KCNQ1: variants seen among roughly 807,000 people sequenced by gnomAD.
KCNQ1 encodes potassium voltage-gated channel subfamily Q member 1, also known as potassium voltage-gated channel subfamily KQT member 1.
In KCNQ1, 49 loss-of-function variants were observed where a neutral mutation model predicts 72.4. That is an observed-to-expected ratio of 0.68 (90% confidence interval 0.54 to 0.86). The LOEUF (loss-of-function observed/expected upper bound fraction) is 0.86. Ranked by LOEUF, KCNQ1 falls within the 40% of genes least tolerant of loss-of-function variation. The pLI is 0.00. For synonymous variants in KCNQ1, 450 were observed against 412.6 expected (o/e 1.09, Z -1.10); for missense variants, 790 against 945.1 (o/e 0.84, Z 2.15).
At position 2,671,235 on chromosome 11, in the gene KCNQ1, C is replaced by G. The variant is rs1850178376; in HGVS notation, c.1514+9154C>G. 2 of 398,590 alleles carry G rather than the reference C, an allele frequency of 5.0e-6. No homozygotes were observed. The highest frequency in any genetic ancestry group is 8.8e-6 in the Non-Finnish European group (2 of 226,084). 24.7% of individuals were successfully genotyped at this position (398,590 alleles called of 1,614,324 possible). A position where few individuals can be genotyped will look rare whatever the true frequency, so the allele number is the denominator to read the frequency against. On this transcript the variant is annotated intron_variant, in intron 11 of 15. Transcript: ENST00000155840. The surrounding 1 kb of genome is among the most constrained non-coding windows in gnomAD (Gnocchi z 4.7). Reference sequence around the variant, plus strand: ...GACAGAGGTAGACAGGAGTCCAGGTCTGACCTCAAAATCCGATGTCCCCAC... The same window carrying G: ...GACAGAGGTAGACAGGAGTCCAGGTGTGACCTCAAAATCCGATGTCCCCAC...
At chr11:2,776,781 G>A (rs989129952) in intron 13 of KCNQ1, among the ~76,000 whole-genome samples, 8 of 152,192 alleles carry the variant, frequency 5.3e-5, no homozygotes, top group South Asian at 2.1e-4. Context: ...CCCCCTTTCC[G>A]AGATCCCTGC....
intron 11 of KCNQ1, among the ~76,000 whole-genome samples, chr11:2,702,255 G>A (rs1277299223): frequency 3.9e-5 from 6 of 152,304 alleles, no homozygotes; most frequent in East Asian, 3.9e-4. Context: ...ACAGATTTTC[G>A]AAACGTGGCC....
chr11:2,533,829 CAAAG>C (rs1847682106), intron 2 of KCNQ1, among the ~76,000 whole-genome samples: 1 of 152,210 alleles, frequency 6.6e-6, no homozygotes, highest in African/African-American at 2.4e-5. Context: ...AAACTCCACA[CAAAG>C]AGAGAGGCAC....
rs796366722 is a variant in KCNQ1 at position 2,690,267 on chromosome 11, A to G, written c.1514+28186A>G. On this transcript the variant is annotated intron_variant, in intron 11 of 15. Transcript: ENST00000155840. This position sits in a 1 kb window ranked among gnomAD's most constrained non-coding sequence, Gnocchi z 5.1. ...ATGTGGCTGAGCTGCTCCTTGCTGCATCTGCACATATGTGTAGTGTCTTCC... is the reference window on the plus strand; with the variant it reads ...ATGTGGCTGAGCTGCTCCTTGCTGCGTCTGCACATATGTGTAGTGTCTTCC... The G allele has an allele frequency of 2.5e-6, 1 of 398,804 alleles. No homozygotes were observed. Among genetic ancestry groups the G allele is most frequent in the Non-Finnish European group, 4.4e-6 (1 of 226,168 alleles). 24.7% of individuals were successfully genotyped at this position (398,804 alleles called of 1,614,324 possible). A position where few individuals can be genotyped will look rare whatever the true frequency, so the allele number is the denominator to read the frequency against.
At chr11:2,749,661 A>AG (rs1368926814) in intron 11 of KCNQ1, among the ~76,000 whole-genome samples, 19,687 of 141,192 alleles carry the variant, frequency 0.14, 1,604 homozygotes, top group East Asian at 0.28. Context: ...AAAAAAAAAA[A>AG]AATTGTCCGG....
rs945347746 is a variant in KCNQ1 at position 2,462,608 on chromosome 11, G to A, written c.386+17124G>A. On this transcript the variant is annotated intron_variant, in intron 1 of 15. Transcript: ENST00000155840. This position sits in a 1 kb window ranked among gnomAD's most constrained non-coding sequence, Gnocchi z 8.2. ...CACCCCCATGCGCCATCCTGCAGGT[G>A]CTTTCTGCTGACTTCTGTGTGCCCT... 2.6e-5 allele frequency among the ~76,000 whole-genome samples: 4 copies of A among 152,162 alleles called. No individual in the cohort carries two copies. Among genetic ancestry groups the A allele is most frequent in the African/African-American group, 9.7e-5 (4 of 41,430 alleles).
chr11:2,677,317 G>A lies in KCNQ1; in HGVS notation c.1514+15236G>A. On this transcript the variant is annotated intron_variant, in intron 11 of 15. Coordinates refer to ENST00000155840, the MANE Select transcript of KCNQ1 (RefSeq NM_000218.3). The surrounding 1 kb of genome is among the most constrained non-coding windows in gnomAD (Gnocchi z 4.5). ...GAGATTTCATCAAGTTAAAGAAAAT[G>A]ATGTCAAATGATTTCTCAAATAGAG... The A allele has an allele frequency of 2.5e-6, 1 of 398,608 alleles. No homozygotes were observed. Among genetic ancestry groups the A allele is most frequent in the Non-Finnish European group, 4.4e-6 (1 of 226,054 alleles). 24.7% of individuals were successfully genotyped at this position (398,608 alleles called of 1,614,324 possible). A position where few individuals can be genotyped will look rare whatever the true frequency, so the allele number is the denominator to read the frequency against.
At chr11:2,641,897 C>T in intron 10 of KCNQ1, 1 of 398,392 alleles carries the variant, frequency 2.5e-6, no homozygotes, top group East Asian at 3.6e-5. Flanking sequence ...GTGCTCTTTT[C>T]CCAGTGTATG....
chr11:2,760,417 T>C (rs1165313393), intron 11 of KCNQ1, among the ~76,000 whole-genome samples: 3 of 152,104 alleles, frequency 2.0e-5, no homozygotes, highest in African/African-American at 7.2e-5. Context: ...AATGAACAGG[T>C]GAGATACAGG....
intron 11 of KCNQ1, chr11:2,667,374 C>T (rs1349752517): frequency 2.5e-6 from 1 of 398,798 alleles, no homozygotes; most frequent in Non-Finnish European, 4.4e-6. Flanking sequence ...ATCCAAATCA[C>T]CCTGCCCCAG....
chr11:2,743,595 A>G (rs562754677), intron 11 of KCNQ1, among the ~76,000 whole-genome samples: 2 of 152,290 alleles, frequency 1.3e-5, no homozygotes, highest in African/African-American at 4.8e-5. Context: ...GCATGGCCCT[A>G]TGGGGACTTG....
intron 2 of KCNQ1, among the ~76,000 whole-genome samples, chr11:2,548,762 G>A (rs570083542): frequency 3.2e-4 from 48 of 152,340 alleles, no homozygotes; most frequent in African/African-American, 9.4e-4. Context: ...GGGCTCTGGC[G>A]GTGGCCTGGG....
At chr11:2,528,094 T>C in intron 2 of KCNQ1, 76 bp downstream of exon 2, 10 of 1,208,692 alleles carry the variant, frequency 8.3e-6, no homozygotes, top group Non-Finnish European at 1.2e-5. Context: ...CTGGGCCCCA[T>C]AAGGTGGGGG....
chr11:2,671,069 G>T lies in KCNQ1; in HGVS notation c.1514+8988G>T. On this transcript the variant is annotated intron_variant, in intron 11 of 15. Coordinates refer to ENST00000155840, the MANE Select transcript of KCNQ1 (RefSeq NM_000218.3). This position sits in a 1 kb window ranked among gnomAD's most constrained non-coding sequence, Gnocchi z 4.7. ...ATCTGAGGCACACATCCTTGGTAGT[G>T]ACTGGCTAGCAGGAGGAAGTCTGGC... 1 of 398,640 alleles carries T rather than the reference G, an allele frequency of 2.5e-6. No homozygotes were observed. Among genetic ancestry groups the T allele is most frequent in the South Asian group, 1.3e-4 (1 of 7,842 alleles). 24.7% of individuals were successfully genotyped at this position (398,640 alleles called of 1,614,324 possible).
intron 1 of KCNQ1, among the ~76,000 whole-genome samples, chr11:2,465,119 T>C (rs1236721884): frequency 6.6e-6 from 1 of 152,212 alleles, no homozygotes; most frequent in Non-Finnish European, 1.5e-5. Flanking sequence ...CCAGAGCTCC[T>C]AACCTTCCAT....
chr11:2,651,826 G>A lies in KCNQ1; in HGVS notation c.1394-10135G>A. ...CATTAGCATTGGAATGGAGCCCACA[G>A]GACCATACCAGACAGATGCCACCAC... On this transcript the variant is annotated intron_variant, in intron 10 of 15. Transcript: ENST00000155840. This position sits in a 1 kb window ranked among gnomAD's most constrained non-coding sequence, Gnocchi z 6.1. 1 of 398,624 alleles carries A rather than the reference G, an allele frequency of 2.5e-6. No homozygotes were observed. 24.7% of individuals were successfully genotyped at this position (398,624 alleles called of 1,614,324 possible).
intron 10 of KCNQ1, chr11:2,649,483 T>C: frequency 2.5e-6 from 1 of 398,590 alleles, no homozygotes; most frequent in Non-Finnish European, 4.4e-6. Context: ...AGTAATGAAT[T>C]CCCTCAGTTT....
chr11:2,498,726 G>A lies in KCNQ1; in HGVS notation c.387-29202G>A, dbSNP rs937622338. ...TCTTGCTGGGGTTCCAGGCACCACT[G>A]GGGTACAGAAAAAACTCCTGCAGCT... On this transcript the variant is annotated intron_variant, in intron 1 of 15. Transcript: ENST00000155840. The surrounding 1 kb of genome is among the most constrained non-coding windows in gnomAD (Gnocchi z 4.8). Among the ~76,000 whole-genome samples the A allele has an allele frequency of 5.9e-5, 9 of 151,858 alleles. No individual in the cohort carries two copies. The highest frequency in any genetic ancestry group is 3.3e-4 in the Admixed American group (5 of 15,296).
intron 1 of KCNQ1, among the ~76,000 whole-genome samples, chr11:2,456,931 T>A (rs1241703901): frequency 2.6e-5 from 3 of 113,892 alleles, no homozygotes; most frequent in Admixed American, 1.0e-4. Flanking sequence ...AGAGCAAGAC[T>A]CGGTCTCAAA....
Sources: gnomAD v4.1 joint callset for allele counts (sites outside exome capture counted in the v4.1 genomes callset) on GRCh38, gnomAD v4.1.1 for gene constraint, Gnocchi (gnomAD v3.1) non-coding constraint, MANE v1.5 for transcripts, NCBI Gene and HGNC (gene_info 2026-07-23, HGNC 2026-07-21) for gene names.